SET: variants seen among roughly 807,000 people sequenced by gnomAD.
SET encodes the protein protein SET.
SET carries 4 observed loss-of-function variants against 39.0 expected under a neutral mutation model. That is an observed-to-expected ratio of 0.10 (90% CI 0.05 to 0.23). The LOEUF is 0.23. SET is among the 10% of genes least tolerant of loss of function. SET has a pLI of 1.00. For synonymous variants in SET, 114 were observed against 115.9 expected (o/e 0.98, Z 0.11); for missense variants, 137 against 329.7 (o/e 0.42, Z 4.53).
In SET at chr9:128,696,018, CTG is replaced by C; in HGVS notation, c.*1356_*1357del. On this transcript the variant is annotated 3_prime_UTR_variant, in exon 8 of 8. Coordinates refer to ENST00000322030, the MANE Select transcript of SET (RefSeq NM_003011.4). ...TAAGAAGTCTGATGGTGAGCAGTAACTGTCCCTGCTTTCTGGTATAAAGCTCT... is the reference window on the plus strand; with the variant it reads ...TAAGAAGTCTGATGGTGAGCAGTAACTCCCTGCTTTCTGGTATAAAGCTCT... The C allele has an allele frequency of 4.4e-6, 1 of 225,726 alleles. No individual in the cohort carries two copies. The highest frequency in any genetic ancestry group is 8.9e-6 in the Non-Finnish European group (1 of 112,632). 14.0% of individuals were successfully genotyped at this position (225,726 alleles called of 1,614,324 possible).
Position 128,692,921 on chromosome 9 carries a change from T to C in SET, c.432T>C (p.His144=), listed in dbSNP as rs1861599997. 3 of 1,607,780 alleles carry C rather than the reference T, an allele frequency of 1.9e-6. No individual in the cohort carries two copies. Among genetic ancestry groups the C allele is most frequent in the African/African-American group, 1.3e-5 (1 of 74,804 alleles). The part of the protein sequence containing the change: ...FENKVLSKEF[H]LNESGDPSSK... The stretch of plus-strand genomic sequence containing the variant: ...ATAAAGTTCTCTCCAAAGAATTTCA[T>C]CTGAATGAGAGTGGTGATCCATCTT... The change falls in exon 5 of 8, where the codon CAT becomes CAC. Residue 144 remains histidine (H), a synonymous_variant. Coordinates refer to ENST00000322030, the MANE Select transcript of SET (RefSeq NM_003011.4).
chr9:128,690,297 CAG>C (rs1861478780), intron 1 of SET: 1 of 152,876 alleles, frequency 6.5e-6, no homozygotes, highest in Non-Finnish European at 1.5e-5. Flanking sequence ...GCGCCGCGAC[CAG>C]TGTATCGGGG....
upstream of SET, chr9:128,685,082 G>A: frequency 6.5e-7 from 1 of 1,538,576 alleles, no homozygotes; most frequent in East Asian, 2.4e-5. Flanking sequence ...AACTCTTATG[G>A]AAGAAGCACT....
At chr9:128,684,754 GCT>G (rs1250115662), upstream of SET, among the ~76,000 whole-genome samples, 4 of 151,994 alleles carry the variant, frequency 2.6e-5, no homozygotes, top group African/African-American at 9.7e-5. Flanking sequence ...ACCACCTCCA[GCT>G]CTCTGCTGGA....
chr9:128,688,133 C>T (rs1199930463), upstream of SET, among the ~76,000 whole-genome samples: 1 of 152,172 alleles, frequency 6.6e-6, no homozygotes, highest in African/African-American at 2.4e-5. Context: ...ATTGCTTGAA[C>T]CCGAGAGGCA....
rs369353971 is a variant in SET, at chr9:128,683,925, G to T, written c.30G>T (p.Pro10=). 3 of 1,554,992 alleles carry T rather than the reference G, an allele frequency of 1.9e-6. No individual in the cohort carries two copies. In the South Asian group the frequency reaches 3.6e-5, roughly 18 times the overall value. The change falls in exon 1 of 8, where the codon CCG becomes CCT. Residue 10 remains proline (P), a synonymous_variant. Transcript: ENST00000372692. ...CCCCTAAACGCCAGTCTCCACTCCC[G>T]CCTCAAAAGAAGAAACCAAGACCAC...
chr9:128,684,068 A>AT, intron 1 of SET: 1 of 1,334,002 alleles, frequency 7.5e-7, no homozygotes, highest in Non-Finnish European at 1.0e-6. Flanking sequence ...TGACTCTCTG[A>AT]TTTTTACCCC....
Position 128,691,159 on chromosome 9 carries a change from CTTT to C in SET, c.74-7_74-5del. On this transcript the variant is annotated splice_region_variant and splice_polypyrimidine_tract_variant and intron_variant, in intron 1 of 7. Transcript: ENST00000322030. Reference sequence around the variant, plus strand: ...TATCTTAGAATTAAGTTTTTTGCTCCTTTTTTGCAGAAAAAGAACAGCAAGAAG... The same window carrying C: ...TATCTTAGAATTAAGTTTTTTGCTCCTTTGCAGAAAAAGAACAGCAAGAAG... 6.2e-7 allele frequency: 1 copy of C among 1,600,104 alleles called. No individual in the cohort carries two copies. Among genetic ancestry groups the C allele is most frequent in the Non-Finnish European group, 8.5e-7 (1 of 1,172,856 alleles).
Position 128,695,613 on chromosome 9 carries a change from T to C in SET, c.*949T>C. 1 of 224,742 alleles carries C rather than the reference T, an allele frequency of 4.4e-6. No individual in the cohort carries two copies. The allele number at this position is 224,742 out of a possible 1,614,324, so 13.9% of individuals were successfully genotyped here. A position where few individuals can be genotyped will look rare whatever the true frequency, so the allele number is the denominator to read the frequency against. ...GACTTGTATAACATCACTGTCAAAC[T>C]TTGTCACCCTAACTTCGTATTTTTT... On this transcript the variant is annotated 3_prime_UTR_variant, in exon 8 of 8. Transcript: ENST00000322030.
At position 128,693,622 on chromosome 9, in the gene SET, T is replaced by C. The variant is rs1407654947; in HGVS notation, c.493-16T>C. On this transcript the variant is annotated splice_polypyrimidine_tract_variant and intron_variant, in intron 5 of 7. Transcript: ENST00000322030. ...ATGGAGAGATTGTATCAAAAGCTCT[T>C]CCGGTATTCATTTAGGATTTGACGA... is the stretch of plus-strand genomic sequence containing the variant. The C allele has an allele frequency of 6.3e-7, 1 of 1,594,328 alleles. No homozygotes were observed. Among genetic ancestry groups the C allele is most frequent in the Non-Finnish European group, 8.5e-7 (1 of 1,170,650 alleles).
Position 128,689,227 on chromosome 9 carries a change from G to A in SET, c.-356G>A, listed in dbSNP as rs940909599. ...CGCCTGCGCCCTGCGCCCGCCCCTC[G>A]CCGTAGGAGGAGGTGGAGGAGGAGG... On this transcript the variant is annotated 5_prime_UTR_variant, in exon 1 of 8. Transcript: ENST00000322030. 93 of 996,526 alleles carry A rather than the reference G, an allele frequency of 9.3e-5. No homozygotes were observed. The highest frequency in any genetic ancestry group is 2.0e-5 in the Non-Finnish European group (17 of 836,756). 61.7% of individuals were successfully genotyped at this position (996,526 alleles called of 1,614,324 possible).
At chr9:128,694,158 A>G in intron 7 of SET, 116 bp downstream of exon 7, 1 of 946,058 alleles carries the variant, frequency 1.1e-6, no homozygotes, top group Non-Finnish European at 1.5e-6. Flanking sequence ...TTGTGGAAAA[A>G]AAGTAAGCCA....
chr9:128,690,384 T>G (rs1303079623), intron 1 of SET: 1 of 152,602 alleles, frequency 6.6e-6, no homozygotes, highest in East Asian at 1.9e-4. Context: ...CCGGGATGGT[T>G]ACCGGAAATG....
In SET at chr9:128,695,798, C is replaced by CT. The variant is rs1491026807; in HGVS notation, c.*1135dup. The CT allele has an allele frequency of 7.0e-5, 16 of 228,056 alleles. No homozygotes were observed. Among genetic ancestry groups the CT allele is most frequent in the Non-Finnish European group, 1.1e-4 (13 of 114,170 alleles). The allele number at this position is 228,056 out of a possible 1,614,324, so 14.1% of individuals were successfully genotyped here. A position where few individuals can be genotyped will look rare whatever the true frequency, so the allele number is the denominator to read the frequency against. ...GGGATACCAGATAGCTCAATACTCT[C>CT]TGAGTACATTGTGCCCTTGATTTTT... is the stretch of plus-strand genomic sequence containing the variant. On this transcript the variant is annotated 3_prime_UTR_variant, in exon 8 of 8. Transcript: ENST00000322030.
chr9:128,683,488 G>GAA, upstream of SET: 6 of 213,274 alleles, frequency 2.8e-5, no homozygotes, highest in South Asian at 1.8e-4. Context: ...GAGGCCAAAG[G>GAA]AAAAAAAAAA....
intron 3 of SET, 121 bp from the exon 4 acceptor site, chr9:128,692,541 A>G (rs542883023): frequency 4.2e-5 from 28 of 672,382 alleles, no homozygotes; most frequent in African/African-American, 2.5e-4. Flanking sequence ...CCTTTAGTTA[A>G]TAATGGGTTT....
At chr9:128,693,063 T>G (rs1861604129) in intron 5 of SET, 82 bp downstream of exon 5, 1 of 889,982 alleles carries the variant, frequency 1.1e-6, no homozygotes, top group East Asian at 2.6e-5. Flanking sequence ...TGCTTGATAC[T>G]TTGGTCATGT....
chr9:128,689,711 G>T, intron 1 of SET, 56 bp downstream of exon 1: 2 of 412,126 alleles, frequency 4.9e-6, no homozygotes, highest in Non-Finnish European at 6.6e-6. Context: ...CGCCCGCCCC[G>T]GCCCGCAGGC....
At chr9:128,689,944 C>T (rs1176269208) in intron 1 of SET, 3 of 256,764 alleles carry the variant, frequency 1.2e-5, no homozygotes, top group African/African-American at 4.7e-5. Context: ...GCTCTCCTCC[C>T]CCTCCCTCCC....
Sources: gnomAD v4.1 joint callset for allele counts (sites outside exome capture counted in the v4.1 genomes callset) on GRCh38, gnomAD v4.1.1 for gene constraint, MANE v1.5 for transcripts, NCBI Gene and HGNC (gene_info 2026-07-23, HGNC 2026-07-21) for gene names.